Variants in ELP3 observed in about 807,000 individuals in gnomAD.
The protein encoded by ELP3 is elongator complex protein 3.
Under a neutral mutation model 74.9 loss-of-function variants are expected in ELP3, and 56 were observed. That is an observed-to-expected ratio of 0.75 (90% confidence interval 0.60 to 0.93). The LOEUF is 0.93. Among genes scored for constraint, ELP3 ranks in the 40% least tolerant of loss-of-function variants. ELP3 has a pLI of 0.00. For synonymous variants in ELP3, 222 were observed against 239.8 expected (o/e 0.93, Z 0.68); for missense variants, 573 against 686.5 (o/e 0.83, Z 1.85).
intron 14 of ELP3, among the ~76,000 whole-genome samples, chr8:28,168,674 T>C (rs1278943198): frequency 2.6e-5 from 4 of 152,244 alleles, no homozygotes; most frequent in Non-Finnish European, 4.4e-5. Context: ...CAACCTATGC[T>C]ACTCACTACC....
intron 14 of ELP3, among the ~76,000 whole-genome samples, chr8:28,162,346 CTT>C (rs889284566): frequency 3.3e-5 from 5 of 152,324 alleles, no homozygotes; most frequent in African/African-American, 1.2e-4. Context: ...GTCGCCTCCT[CTT>C]TGTGCTGTGC....
intron 14 of ELP3, among the ~76,000 whole-genome samples, chr8:28,172,192 A>G (rs1814556612): frequency 1.3e-5 from 2 of 152,026 alleles, no homozygotes; most frequent in South Asian, 2.1e-4. Flanking sequence ...AAAAGCCACT[A>G]TTGGGATTTT....
chr8:28,121,324 A>T (rs6998039), intron 7 of ELP3, among the ~76,000 whole-genome samples: 115,349 of 137,032 alleles, frequency 0.84, 48,623 homozygotes, highest in East Asian at 0.93. Context: ...TATTATTATT[A>T]TTTTTTTTTT....
At chr8:28,150,171 G>GTA (rs1200592424) in intron 10 of ELP3, among the ~76,000 whole-genome samples, 3 of 152,054 alleles carry the variant, frequency 2.0e-5, no homozygotes, top group Non-Finnish European at 2.9e-5. Context: ...ATATATGTAT[G>GTA]TATATACACA....
At chr8:28,172,705 T>A (rs1342945158) in intron 14 of ELP3, among the ~76,000 whole-genome samples, 2 of 152,098 alleles carry the variant, frequency 1.3e-5, no homozygotes, top group Non-Finnish European at 2.9e-5. Flanking sequence ...GGCAACCTTA[T>A]CTGGCTTCTG....
chr8:28,159,539 G>A (rs1380366393), intron 12 of ELP3, among the ~76,000 whole-genome samples: 1 of 152,132 alleles, frequency 6.6e-6, no homozygotes. Context: ...CTCTGTGCGT[G>A]CAATATTGTT....
chr8:28,186,080 A>G (rs1235047986), intron 14 of ELP3, among the ~76,000 whole-genome samples: 1 of 152,244 alleles, frequency 6.6e-6, no homozygotes, highest in Non-Finnish European at 1.5e-5. Flanking sequence ...AGCCAGTTAT[A>G]AAAGGACAAA....
At chr8:28,097,483 G>A (rs1271078088) in intron 2 of ELP3, among the ~76,000 whole-genome samples, 165 bp downstream of exon 2, 10 of 149,506 alleles carry the variant, frequency 6.7e-5, no homozygotes, top group African/African-American at 1.2e-4. Flanking sequence ...TGCAAGTTCC[G>A]CCTCTGGGGT....
At chr8:28,091,231 G>C (rs1381269704), upstream of ELP3, among the ~76,000 whole-genome samples, 1 of 152,124 alleles carries the variant, frequency 6.6e-6, no homozygotes, top group Non-Finnish European at 1.5e-5. Context: ...CAGACTTTAA[G>C]AGTCGGTTCT....
At chr8:28,171,773 CT>C (rs1321127167) in intron 14 of ELP3, among the ~76,000 whole-genome samples, 2 of 152,026 alleles carry the variant, frequency 1.3e-5, no homozygotes, top group Non-Finnish European at 2.9e-5. Flanking sequence ...CTTCTAAGGG[CT>C]TTATATAAAG....
chr8:28,133,418 CT>C (rs1269169010), intron 9 of ELP3, among the ~76,000 whole-genome samples: 4 of 103,094 alleles, frequency 3.9e-5, no homozygotes, highest in African/African-American at 1.5e-4. Context: ...TTAAGTCGAT[CT>C]TTTTTTTCCT....
chr8:28,100,106 G>C, intron 3 of ELP3, 140 bp downstream of exon 3: 1 of 1,046,742 alleles, frequency 9.6e-7, no homozygotes, highest in South Asian at 1.5e-5. Flanking sequence ...ATATGTGCTG[G>C]AGTGGAGACC....
chr8:28,129,043 C>T (rs1812691379), intron 7 of ELP3, among the ~76,000 whole-genome samples: 1 of 151,362 alleles, frequency 6.6e-6, no homozygotes, highest in Non-Finnish European at 1.5e-5. Flanking sequence ...GCCCTCCCCC[C>T]TTTTTTTTCT....
Position 28,132,497 on chromosome 8 carries a change from A to G in ELP3, c.906+93A>G, listed in dbSNP as rs1025238834. On this transcript the variant is annotated intron_variant, in intron 9 of 14. Coordinates refer to ENST00000256398, the MANE Select transcript of ELP3 (RefSeq NM_018091.6). Reference sequence around the variant, plus strand: ...TGCTTGTTCACTGTTGATGTTTTCCAGTGTTAAAGAAATGCATCCTTATTA... The same window carrying G: ...TGCTTGTTCACTGTTGATGTTTTCCGGTGTTAAAGAAATGCATCCTTATTA... The G allele has an allele frequency of 7.9e-5, 120 of 1,525,268 alleles. 1 individual carries two copies. The Middle Eastern group carries it at 9.1e-4, about 12-fold the overall frequency. The allele number at this position is 1,525,268 out of a possible 1,614,324, so 94.5% of individuals were successfully genotyped here.
intron 7 of ELP3, among the ~76,000 whole-genome samples, chr8:28,128,927 G>T (rs1026351244): frequency 3.9e-5 from 6 of 152,326 alleles, no homozygotes; most frequent in Non-Finnish European, 8.8e-5. Context: ...AGACAAAAAT[G>T]ATTGGTAATT....
At chr8:28,115,636 G>T (rs1812099719) in intron 7 of ELP3, among the ~76,000 whole-genome samples, 1 of 152,184 alleles carries the variant, frequency 6.6e-6, no homozygotes, top group Non-Finnish European at 1.5e-5. Context: ...TTATGGGTGA[G>T]GAAGCTGAGG....
chr8:28,120,127 G>C (rs1812311094), intron 7 of ELP3, among the ~76,000 whole-genome samples: 1 of 152,154 alleles, frequency 6.6e-6, no homozygotes. Context: ...ACATAGAATT[G>C]CTATGTAAGT....
At chr8:28,173,682 T>C (rs1045180652) in intron 14 of ELP3, among the ~76,000 whole-genome samples, 3 of 151,848 alleles carry the variant, frequency 2.0e-5, no homozygotes, top group Admixed American at 1.3e-4. Context: ...TTCAGATATA[T>C]CTGCTTTTAA....
rs772045344 is a variant in ELP3, at chr8:28,137,702, T to G, written c.911T>G (p.Phe304Cys). ...LERDIEQFTE[F>C]FENPAFRPDG... Reference sequence around the variant, plus strand: ...TTTTCTGTTCTCTATTCACAGGAGTTTTTTGAGAACCCTGCTTTTCGTCCC... The same window carrying G: ...TTTTCTGTTCTCTATTCACAGGAGTGTTTTGAGAACCCTGCTTTTCGTCCC... The change falls in exon 10 of 15, where the codon TTT becomes TGT. Residue 304 changes from phenylalanine (F) to cysteine (C), a missense_variant. Transcript: ENST00000256398. 8.1e-6 allele frequency: 13 copies of G among 1,612,396 alleles called. No individual in the cohort carries two copies. The highest frequency in any genetic ancestry group is 1.1e-5 in the Non-Finnish European group (13 of 1,179,592).
Sources: allele counts gnomAD v4.1 joint callset (sites outside exome capture counted in the v4.1 genomes callset), GRCh38; gene constraint gnomAD v4.1.1; transcripts MANE v1.5; gene names NCBI Gene and HGNC (gene_info 2026-07-23, HGNC 2026-07-21).